Variants in PDS5A observed in about 807,000 individuals in gnomAD.
PDS5A encodes PDS5 cohesin associated factor A, also known as sister chromatid cohesion protein PDS5 homolog A.
PDS5A carries 42 observed loss-of-function variants against 167.1 expected under a neutral mutation model. That is an observed-to-expected ratio of 0.25 (90% CI 0.20 to 0.33). The LOEUF (loss-of-function observed/expected upper bound fraction) is 0.33. Among genes scored for constraint, PDS5A ranks in the 10% least tolerant of loss-of-function variants. The pLI, the probability that PDS5A is intolerant of heterozygous loss-of-function variation, is 1.00. For synonymous variants in PDS5A, 553 were observed against 554.6 expected, an observed-to-expected ratio of 1.00 and a Z score of 0.04; for missense variants, 1,033 against 1,605.9, an observed-to-expected ratio of 0.64 and a Z score of 6.10.
chr4:39,829,603 C>T (rs1332911453), intron 32 of PDS5A, among the ~76,000 whole-genome samples: 1 of 149,942 alleles, frequency 6.7e-6, no homozygotes, highest in Admixed American at 6.7e-5. Flanking sequence ...GCCAAGACTG[C>T]GCCACTACAC....
chr4:39,959,473 C>G (rs1729279114), intron 2 of PDS5A, among the ~76,000 whole-genome samples: 1 of 152,042 alleles, frequency 6.6e-6, no homozygotes, highest in Non-Finnish European at 1.5e-5. Flanking sequence ...CAACTGGCCT[C>G]CTGAGTAGCT....
chr4:39,922,239 G>A (rs1578748379), intron 6 of PDS5A, among the ~76,000 whole-genome samples: 1 of 152,122 alleles, frequency 6.6e-6, no homozygotes, highest in Non-Finnish European at 1.5e-5. Context: ...AAAAAGGTAC[G>A]ATACGGATTC....
At chr4:39,975,263 G>A (rs965215556) in intron 2 of PDS5A, among the ~76,000 whole-genome samples, 1 of 152,096 alleles carries the variant, frequency 6.6e-6, no homozygotes, top group African/African-American at 2.4e-5. Context: ...TTTAATGAAA[G>A]GAACTGTTGT....
chr4:39,957,724 T>C (rs970582891), intron 2 of PDS5A, among the ~76,000 whole-genome samples: 3 of 147,406 alleles, frequency 2.0e-5, no homozygotes, highest in African/African-American at 5.0e-5. Flanking sequence ...TAGGCAGAGC[T>C]TGCAGTGAGC....
At chr4:39,869,829 G>A (rs958858216) in intron 21 of PDS5A, among the ~76,000 whole-genome samples, 8 of 152,064 alleles carry the variant, frequency 5.3e-5, no homozygotes, top group African/African-American at 9.7e-5. Context: ...ATATTCAGCC[G>A]GGTGCAGAGG....
At position 39,898,785 on chromosome 4, in the gene PDS5A, G is replaced by T; in HGVS notation, c.1622C>A (p.Thr541Asn). The change falls in exon 15 of 33, where the codon ACC becomes AAC. Residue 541 changes from threonine to asparagine, a missense_variant. Thr to Asn is a moderately conservative substitution (Grantham distance 65). Coordinates refer to ENST00000303538, the MANE Select transcript of PDS5A (RefSeq NM_001100399.2). The stretch of plus-strand genomic sequence containing the variant: ...TAAATAAACATACTCACTTGCTATG[G>T]TCATCAGTTTTCCAAACATGGCAGA... The part of the protein sequence containing the change: ...NCSAMFGKLM[T>N]IAKNLPDPGK... The T allele has an allele frequency of 1.9e-6, 3 of 1,582,612 alleles. No homozygotes were observed. The highest frequency in any genetic ancestry group is 1.1e-5 in the South Asian group (1 of 87,204).
intron 26 of PDS5A, among the ~76,000 whole-genome samples, chr4:39,855,356 G>A (rs1014672005): frequency 3.3e-5 from 5 of 152,186 alleles, no homozygotes; most frequent in African/African-American, 7.2e-5. Flanking sequence ...AGAACCAAAA[G>A]CAATCTAGAA....
intron 2 of PDS5A, among the ~76,000 whole-genome samples, chr4:39,943,325 C>T (rs1031191571): frequency 1.3e-5 from 2 of 152,044 alleles, no homozygotes; most frequent in Non-Finnish European, 2.9e-5. Context: ...AATACACCAG[C>T]ATAGACTACT....
chr4:39,901,266 C>CT (rs772230554), intron 13 of PDS5A, among the ~76,000 whole-genome samples: 32,323 of 120,910 alleles, frequency 0.27, 4,791 homozygotes, highest in South Asian at 0.38. Context: ...TCTTTTCTTT[C>CT]TTTTTTTTTT....
chr4:39,837,999 A>G lies in PDS5A; in HGVS notation c.3867T>C (p.Asn1289=), dbSNP rs1716589471. Residue 1289 remains asparagine, a synonymous_variant, in exon 32 of 33, where the codon AAT becomes AAC. Coordinates refer to ENST00000303538, the MANE Select transcript of PDS5A (RefSeq NM_001100399.2). ...QGNATKNDDL[N]KPINKGRKRA... ...TCTTCCTTCCCTTGTTAATAGGTTT[A>G]TTTAGATCATCATTTTTGGTAGCAT... The G allele has an allele frequency of 6.2e-7, 1 of 1,613,864 alleles. No homozygotes were observed.
intron 16 of PDS5A, among the ~76,000 whole-genome samples, chr4:39,895,197 C>T (rs1056400698): frequency 3.0e-5 from 2 of 67,748 alleles, no homozygotes; most frequent in Non-Finnish European, 5.7e-5. Flanking sequence ...GAGACTCCGT[C>T]TCAAAAAAAA....
chr4:39,857,196 C>CA (rs924411559), intron 26 of PDS5A, among the ~76,000 whole-genome samples: 3 of 151,620 alleles, frequency 2.0e-5, no homozygotes, highest in Non-Finnish European at 4.4e-5. Context: ...ACTGAAAATA[C>CA]AAAAAATTAG....
Position 39,888,394 on chromosome 4 carries a change from C to CA in PDS5A, c.1886+1854dup, listed in dbSNP as rs1329374736. 5.9e-5 allele frequency among the ~76,000 whole-genome samples: 9 copies of CA among 151,894 alleles called. 1 individual carries two copies. The South Asian group carries it at 8.3e-4, about 14-fold the overall frequency. On this transcript the variant is annotated intron_variant, in intron 17 of 32. Coordinates refer to ENST00000303538, the MANE Select transcript of PDS5A (RefSeq NM_001100399.2). Reference sequence around the variant, plus strand: ...TAAGGAAAACTGTATGGAGGTTCCTCAAAAAACTAAAACTGGATCTACCAT... The same window carrying CA: ...TAAGGAAAACTGTATGGAGGTTCCTCAAAAAAACTAAAACTGGATCTACCAT...
intron 3 of PDS5A, among the ~76,000 whole-genome samples, chr4:39,927,134 T>G (rs895498642): frequency 6.6e-6 from 1 of 152,230 alleles, no homozygotes; most frequent in African/African-American, 2.4e-5. Context: ...TATAATTTCT[T>G]CTACTATCGT....
Position 39,837,946 on chromosome 4 carries a change from C to G in PDS5A, c.3920G>C (p.Gly1307Ala). ...KRAAVGQESP[G>A]GLEAGNAKAP... Reference sequence around the variant, plus strand: ...TTTGGCATTACCTGCTTCCAAACCCCCAGGGCTCTCCTGACCCACTGCAGC... The same window carrying G: ...TTTGGCATTACCTGCTTCCAAACCCGCAGGGCTCTCCTGACCCACTGCAGC... Residue 1307 changes from glycine to alanine, a missense_variant, in exon 32 of 33, where the codon GGG becomes GCG. This residue lies in a region of PDS5A where 233 missense variants were observed against 264.0 expected (regional missense o/e 0.88). Coordinates refer to ENST00000303538, the MANE Select transcript of PDS5A (RefSeq NM_001100399.2). 1 of 1,614,012 alleles carries G rather than the reference C, an allele frequency of 6.2e-7. No individual in the cohort carries two copies. The highest frequency in any genetic ancestry group is 8.5e-7 in the Non-Finnish European group (1 of 1,179,894).
chr4:39,975,369 G>C (rs1433636637), intron 2 of PDS5A, among the ~76,000 whole-genome samples: 1 of 152,170 alleles, frequency 6.6e-6, no homozygotes, highest in Non-Finnish European at 1.5e-5. Flanking sequence ...TCATTAAAAT[G>C]CAACATTAGG....
At chr4:39,924,358 A>T (rs1340933980) in intron 5 of PDS5A, among the ~76,000 whole-genome samples, 1 of 152,256 alleles carries the variant, frequency 6.6e-6, no homozygotes, top group Non-Finnish European at 1.5e-5. Flanking sequence ...AAAGCTAACA[A>T]ACACAAAGGT....
At chr4:39,883,298 A>G (rs1243860243) in intron 17 of PDS5A, among the ~76,000 whole-genome samples, 1 of 152,082 alleles carries the variant, frequency 6.6e-6, no homozygotes, top group African/African-American at 2.4e-5. Context: ...CTCATGCCTC[A>G]GCCTCCCGAG....
chr4:39,872,901 T>G lies in PDS5A; in HGVS notation c.2436+85A>C, dbSNP rs1209025108. On this transcript the variant is annotated intron_variant, in intron 21 of 32. Transcript: ENST00000303538. Reference sequence around the variant, plus strand: ...GAATAATTTAAAAGAAAAAGAGAATTACACAGAAACAGAAGTGTTTCTGTG... The same window carrying G: ...GAATAATTTAAAAGAAAAAGAGAATGACACAGAAACAGAAGTGTTTCTGTG... The G allele has an allele frequency of 4.6e-6, 3 of 657,468 alleles. No homozygotes were observed. The African/African-American group carries it at 5.6e-5, about 12-fold the overall frequency. The allele number at this position is 657,468 out of a possible 1,614,324, so 40.7% of individuals were successfully genotyped here. A position where few individuals can be genotyped will look rare whatever the true frequency, so the allele number is the denominator to read the frequency against.
Sources: allele counts gnomAD v4.1 joint callset (sites outside exome capture counted in the v4.1 genomes callset), GRCh38; gene constraint gnomAD v4.1.1; regional missense constraint gnomAD v4.1.1; transcripts MANE v1.5; gene names NCBI Gene and HGNC (gene_info 2026-07-23, HGNC 2026-07-21).